FCHSD2: variants seen among roughly 807,000 people sequenced by gnomAD.
FCHSD2 encodes F-BAR and double SH3 domains protein 2.
In FCHSD2, 38 loss-of-function variants were observed where a neutral mutation model predicts 108.1. The observed-to-expected ratio is 0.35, with a 90% CI of 0.27 to 0.46. The LOEUF (loss-of-function observed/expected upper bound fraction) is 0.46. Ranked by LOEUF, FCHSD2 falls within the 20% of genes least tolerant of loss-of-function variation. The pLI, the probability that FCHSD2 is intolerant of heterozygous loss-of-function variation, is 1.00. For missense variants in FCHSD2, 751 were observed against 897.8 expected (o/e 0.84, Z 2.09); for synonymous variants, 279 against 314.7 (o/e 0.89, Z 1.20).
At chr11:72,926,704 A>G (rs1856083398) in intron 8 of FCHSD2, among the ~76,000 whole-genome samples, 1 of 152,208 alleles carries the variant, frequency 6.6e-6, no homozygotes, top group South Asian at 2.1e-4. Flanking sequence ...GCATACTTCC[A>G]GGACACAGGA....
chr11:72,988,881 C>T, intron 6 of FCHSD2, 83 bp downstream of exon 6: 1 of 1,176,940 alleles, frequency 8.5e-7, no homozygotes, highest in Non-Finnish European at 1.2e-6. Flanking sequence ...TGGGTCCATG[C>T]TCACTACTAA....
At chr11:72,849,536 A>G (rs1861228795) in intron 14 of FCHSD2, among the ~76,000 whole-genome samples, 2 of 152,200 alleles carry the variant, frequency 1.3e-5, no homozygotes, top group African/African-American at 4.8e-5. Context: ...GGGGACAACC[A>G]ACTGAGATTT....
chr11:73,027,268 GGGA>G lies in FCHSD2; in HGVS notation c.166-11386_166-11384del, dbSNP rs1858251624. 3.3e-5 allele frequency among the ~76,000 whole-genome samples: 5 copies of G among 152,284 alleles called. No individual in the cohort carries two copies. In the East Asian group the frequency reaches 5.8e-4, roughly 18 times the overall value. ...AAATCCAGGCTGAGTAGGTCTCAGAGGGAGAAGAGGAACTTATTGAGAACTAGA... is the reference window on the plus strand; with the variant it reads ...AAATCCAGGCTGAGTAGGTCTCAGAGGAAGAGGAACTTATTGAGAACTAGA... On this transcript the variant is annotated intron_variant, in intron 3 of 19. Transcript: ENST00000409418.
chr11:73,094,740 T>C (rs181841793), intron 2 of FCHSD2, among the ~76,000 whole-genome samples: 42 of 152,310 alleles, frequency 2.8e-4, no homozygotes, highest in Non-Finnish European at 4.4e-5. Flanking sequence ...TATCAGCAAA[T>C]TGATAATTGT....
intron 2 of FCHSD2, among the ~76,000 whole-genome samples, chr11:73,110,548 CTTTGAT>C (rs780778068): frequency 8.6e-5 from 13 of 151,832 alleles, no homozygotes; most frequent in Non-Finnish European, 1.6e-4. Flanking sequence ...CCTTTTTCAT[CTTTGAT>C]TTTGAGTCTT....
At chr11:73,139,393 AAGATTGTTAAAT>A (rs1861194962) in intron 2 of FCHSD2, among the ~76,000 whole-genome samples, 1 of 152,240 alleles carries the variant, frequency 6.6e-6, no homozygotes, top group African/African-American at 2.4e-5. Flanking sequence ...TCTGTATTAC[AAGATTGTTAAAT>A]AAGTGGTATT....
At chr11:72,911,155 T>G (rs1252305958) in intron 9 of FCHSD2, among the ~76,000 whole-genome samples, 1 of 152,200 alleles carries the variant, frequency 6.6e-6, no homozygotes, top group Non-Finnish European at 1.5e-5. Flanking sequence ...CCATTTTGAT[T>G]TGATTTTTGT....
Position 72,843,738 on chromosome 11 carries a change from C to A in FCHSD2, c.1444-206G>T, listed in dbSNP as rs113188552. On this transcript the variant is annotated intron_variant, in intron 14 of 19. Transcript: ENST00000409418. ...ACAGAATAAAACCATAACAAAAACT[C>A]AAGAAACTGAATCCTCAAGAGGCAA... 6 of 553,440 alleles carry A rather than the reference C, an allele frequency of 1.1e-5. No homozygotes were observed. The African/African-American group carries it at 1.1e-4, about 10-fold the overall frequency. 34.3% of individuals were successfully genotyped at this position (553,440 alleles called of 1,614,324 possible). A position where few individuals can be genotyped will look rare whatever the true frequency, so the allele number is the denominator to read the frequency against.
intron 10 of FCHSD2, among the ~76,000 whole-genome samples, chr11:72,894,323 C>A (rs1855376424): frequency 6.6e-6 from 1 of 152,106 alleles, no homozygotes; most frequent in Non-Finnish European, 1.5e-5. Context: ...GGCAGAAAAA[C>A]TGCTTGAGGC....
intron 8 of FCHSD2, among the ~76,000 whole-genome samples, chr11:72,957,744 G>A (rs1040335427): frequency 1.3e-5 from 2 of 151,876 alleles, no homozygotes; most frequent in Non-Finnish European, 1.5e-5. Context: ...TGAGAGGTGA[G>A]GAGGCATTAT....
In FCHSD2 at chr11:72,882,714, CTAAA is replaced by C. The variant is rs201914151; in HGVS notation, c.1146+4752_1146+4755del. On this transcript the variant is annotated intron_variant, in intron 12 of 19. Coordinates refer to ENST00000409418, the MANE Select transcript of FCHSD2 (RefSeq NM_014824.3). The stretch of plus-strand genomic sequence containing the variant: ...GAAGCCAAAAAAGGAAACAGAGTGC[CTAAA>C]TAAATAGAGAGACACATCATGTTCA... 5.3e-3 allele frequency among the ~76,000 whole-genome samples: 810 copies of C among 152,200 alleles called. 8 individuals are homozygous for C. Among genetic ancestry groups the C allele is most frequent in the African/African-American group, 0.018 (766 of 41,534 alleles).
In FCHSD2 at chr11:72,896,786, A is replaced by G. The variant is rs1256810825; in HGVS notation, c.924+5757T>C. On this transcript the variant is annotated intron_variant, in intron 10 of 19. Transcript: ENST00000409418. ...TACTAAAAAAAAAAAAAAAAAAAAA[A>G]AAAAGAAAGAAATATGCTTGCCTTG... Among the ~76,000 whole-genome samples, 4 of 150,720 alleles carry G rather than the reference A, an allele frequency of 2.7e-5. No individual in the cohort carries two copies. The East Asian group carries it at 7.7e-4, about 29-fold the overall frequency.
Position 72,876,752 on chromosome 11 carries a change from A to G in FCHSD2, c.1147-8726T>C, listed in dbSNP as rs138765855. On this transcript the variant is annotated intron_variant, in intron 12 of 19. Transcript: ENST00000409418. ...TATATTCTTGTTCTATCAATTACTG[A>G]AAGAGGGATCCTAAAGACTCCTACT... 2.9e-3 allele frequency among the ~76,000 whole-genome samples: 441 copies of G among 152,290 alleles called. 2 individuals carry two copies. Among genetic ancestry groups the G allele is most frequent in the African/African-American group, 0.01 (428 of 41,556 alleles).
chr11:73,014,993 G>A (rs1425374402), intron 4 of FCHSD2, among the ~76,000 whole-genome samples: 3 of 152,116 alleles, frequency 2.0e-5, no homozygotes, highest in Admixed American at 6.5e-5. Flanking sequence ...ACAGGTGCCC[G>A]CCACCACACC....
At chr11:73,048,559 AT>A (rs1269054713) in intron 3 of FCHSD2, among the ~76,000 whole-genome samples, 3 of 152,218 alleles carry the variant, frequency 2.0e-5, no homozygotes, top group African/African-American at 7.2e-5. Context: ...AAGTTCAGGT[AT>A]CCTTCACATA....
chr11:73,006,757 T>C (rs1280853009), intron 4 of FCHSD2, among the ~76,000 whole-genome samples: 4 of 152,252 alleles, frequency 2.6e-5, no homozygotes, highest in Non-Finnish European at 5.9e-5. Flanking sequence ...CTGTTTGTCT[T>C]CCCTCATTAG....
intron 2 of FCHSD2, among the ~76,000 whole-genome samples, chr11:73,097,335 G>T (rs1163822403): frequency 1.3e-5 from 2 of 150,740 alleles, no homozygotes; most frequent in Non-Finnish European, 3.0e-5. Context: ...ATGATTTGCT[G>T]TTGGATTCAG....
At chr11:72,937,827 A>C (rs1856333914) in intron 8 of FCHSD2, among the ~76,000 whole-genome samples, 1 of 152,206 alleles carries the variant, frequency 6.6e-6, no homozygotes, top group Non-Finnish European at 1.5e-5. Flanking sequence ...GAGGTTTAAA[A>C]ATGATTTTCT....
intron 8 of FCHSD2, among the ~76,000 whole-genome samples, chr11:72,928,121 A>C (rs920702827): frequency 6.6e-6 from 1 of 152,056 alleles, no homozygotes; most frequent in Admixed American, 6.5e-5. Context: ...CATATTGATA[A>C]TGGTTAAAGC....
Sources: allele counts gnomAD v4.1 joint callset (sites outside exome capture counted in the v4.1 genomes callset), GRCh38; gene constraint gnomAD v4.1.1; transcripts MANE v1.5; gene names NCBI Gene and HGNC (gene_info 2026-07-23, HGNC 2026-07-21).